The following LRP6 variants were observed in gnomAD, a reference collection of about 807,000 sequenced individuals.
LRP6 encodes the protein low-density lipoprotein receptor-related protein 6.
Under a neutral mutation model 184.1 loss-of-function variants are expected in LRP6, and 43 were observed. The observed-to-expected ratio is 0.23, with a 90% CI of 0.18 to 0.30. The LOEUF is 0.30. Ranked by LOEUF, LRP6 falls within the 10% of genes least tolerant of loss-of-function variation. LRP6 has a pLI of 1.00. For missense variants in LRP6, 1,571 were observed against 2,005.3 expected, an observed-to-expected ratio of 0.78 and a Z score of 4.14; for synonymous variants, 719 against 684.9, an observed-to-expected ratio of 1.05 and a Z score of -0.78.
chr12:12,125,807 A>G (rs1319137702), intron 20 of LRP6, among the ~76,000 whole-genome samples: 2 of 152,226 alleles, frequency 1.3e-5, no homozygotes, highest in African/African-American at 2.4e-5. Context: ...AAGAAAACAA[A>G]AAAACATTTT....
intron 2 of LRP6, among the ~76,000 whole-genome samples, chr12:12,230,146 GAAGTA>G (rs1864744855): frequency 6.6e-6 from 1 of 152,064 alleles, no homozygotes; most frequent in Non-Finnish European, 1.5e-5. Context: ...AACTGGGAGG[GAAGTA>G]AAGCAAGTAA....
chr12:12,178,024 GTA>G (rs143190824), intron 7 of LRP6, among the ~76,000 whole-genome samples: 93 of 149,642 alleles, frequency 6.2e-4, no homozygotes, highest in South Asian at 1.7e-3. Flanking sequence ...GTGTCTGTAT[GTA>G]TATATATATA....
At chr12:12,129,958 T>C (rs1949725440) in intron 19 of LRP6, among the ~76,000 whole-genome samples, 1 of 148,774 alleles carries the variant, frequency 6.7e-6, no homozygotes, top group Admixed American at 6.7e-5. Flanking sequence ...CTGTGTAGAT[T>C]TCTATTACAG....
At chr12:12,136,349 T>C (rs1335784019) in intron 16 of LRP6, among the ~76,000 whole-genome samples, 3 of 152,210 alleles carry the variant, frequency 2.0e-5, no homozygotes, top group East Asian at 3.9e-4. Context: ...AGGAATCCAT[T>C]GAGAATTAAA....
At chr12:12,141,234 A>AG (rs1244356661) in intron 15 of LRP6, among the ~76,000 whole-genome samples, 1 of 152,008 alleles carries the variant, frequency 6.6e-6, no homozygotes, top group Non-Finnish European at 1.5e-5. Flanking sequence ...AAAGGAAAGA[A>AG]GGGAGGAATC....
intron 2 of LRP6, among the ~76,000 whole-genome samples, chr12:12,235,582 T>C (rs1327281561): frequency 6.6e-6 from 1 of 151,528 alleles, no homozygotes; most frequent in Non-Finnish European, 1.5e-5. Flanking sequence ...AAAACAAAAT[T>C]AGCCAGGCAT....
chr12:12,247,724 A>G (rs1457015065), intron 1 of LRP6, among the ~76,000 whole-genome samples: 1 of 152,220 alleles, frequency 6.6e-6, no homozygotes, highest in Non-Finnish European at 1.5e-5. Flanking sequence ...TTGATTTGTA[A>G]CATTGTTTTT....
intron 2 of LRP6, among the ~76,000 whole-genome samples, chr12:12,235,824 G>C (rs1464280767): frequency 6.6e-6 from 1 of 152,090 alleles, no homozygotes; most frequent in East Asian, 1.9e-4. Context: ...TCTAATAAAA[G>C]GAGCCAGAAC....
At chr12:12,255,444 G>A (rs981734244) in intron 1 of LRP6, among the ~76,000 whole-genome samples, 3 of 149,774 alleles carry the variant, frequency 2.0e-5, no homozygotes, top group African/African-American at 4.9e-5. Context: ...AGCCTTTTTC[G>A]GTTTGATTTT....
intron 15 of LRP6, 136 bp downstream of exon 15, chr12:12,147,230 C>A (rs1950021474): frequency 2.2e-6 from 2 of 927,508 alleles, no homozygotes; most frequent in East Asian, 5.2e-5. Context: ...TCTTCACCAA[C>A]CAACCTGATG....
chr12:12,144,404 G>T (rs1226692402), intron 15 of LRP6, among the ~76,000 whole-genome samples: 1 of 152,210 alleles, frequency 6.6e-6, no homozygotes, highest in Non-Finnish European at 1.5e-5. Flanking sequence ...AGAACTTTGG[G>T]AGGCCAAGGC....
At chr12:12,121,478 C>G (rs975245837) in intron 22 of LRP6, 58 bp from the exon 23 acceptor site, 5 of 1,520,042 alleles carry the variant, frequency 3.3e-6, no homozygotes, top group Non-Finnish European at 4.6e-6. Context: ...AATGATTTCC[C>G]CTCTCAGAAT....
intron 7 of LRP6, among the ~76,000 whole-genome samples, chr12:12,169,884 T>A (rs565632305): frequency 6.6e-6 from 1 of 152,350 alleles, no homozygotes; most frequent in African/African-American, 2.4e-5. Context: ...GTAAGCACAC[T>A]GTTTCCTTTA....
At chr12:12,181,587 G>C in intron 5 of LRP6, 148 bp from the exon 6 acceptor site, 1 of 659,886 alleles carries the variant, frequency 1.5e-6, no homozygotes, top group Non-Finnish European at 2.7e-6. Flanking sequence ...AGTGGAAATG[G>C]AAAGTAATAC....
chr12:12,159,226 T>C (rs1042803221), intron 11 of LRP6, 71 bp from the exon 12 acceptor site: 2 of 1,163,920 alleles, frequency 1.7e-6, no homozygotes, highest in African/African-American at 1.5e-5. Context: ...AGTGTCTTGC[T>C]GGCAAAAAGA....
At chr12:12,183,676 T>C (rs1264833848) in intron 5 of LRP6, among the ~76,000 whole-genome samples, 1 of 152,248 alleles carries the variant, frequency 6.6e-6, no homozygotes, top group Non-Finnish European at 1.5e-5. Context: ...ATATTCCTTA[T>C]GCGACTACTC....
At chr12:12,237,807 G>C (rs73293313) in intron 2 of LRP6, among the ~76,000 whole-genome samples, 8,075 of 152,276 alleles carry the variant, frequency 0.053, 715 homozygotes, top group African/African-American at 0.18. Context: ...TCTCAGATTA[G>C]AAAAGGCCGA....
At chr12:12,173,015 A>G (rs1356205634) in intron 7 of LRP6, among the ~76,000 whole-genome samples, 1 of 152,196 alleles carries the variant, frequency 6.6e-6, no homozygotes, top group Non-Finnish European at 1.5e-5. Context: ...GTTTTATAAT[A>G]TTTTTTGCAA....
Position 12,119,987 on chromosome 12 carries a change from C to CAAACAAACAAACAAACAAAAAAAAAAA in LRP6, c.*1138_*1139insTTTTTTTTTTTGTTTGTTTGTTTGTTT, listed in dbSNP as rs567315765. On this transcript the variant is annotated 3_prime_UTR_variant, in exon 23 of 23. Coordinates refer to ENST00000261349, the MANE Select transcript of LRP6 (RefSeq NM_002336.3). The stretch of plus-strand genomic sequence containing the variant: ...TTTACTCAGAAAACAAACAAACAAA[C>CAAACAAACAAACAAACAAAAAAAAAAA]AAAATATATATATATATATATATAT... 43 of 42,936 alleles carry CAAACAAACAAACAAACAAAAAAAAAAA rather than the reference C, an allele frequency of 1.0e-3. No individual in the cohort carries two copies. The highest frequency in any genetic ancestry group is 1.4e-3 in the Non-Finnish European group (32 of 22,138). 2.7% of individuals were successfully genotyped at this position (42,936 alleles called of 1,614,324 possible).
Sources: gnomAD v4.1 joint callset for allele counts (sites outside exome capture counted in the v4.1 genomes callset) on GRCh38, gnomAD v4.1.1 for gene constraint, MANE v1.5 for transcripts, NCBI Gene and HGNC (gene_info 2026-07-23, HGNC 2026-07-21) for gene names.